ZNF521: variants seen among roughly 807,000 people sequenced by gnomAD.
ZNF521 encodes the protein LYST-interacting protein 3.
Under a neutral mutation model 105.5 loss-of-function variants are expected in ZNF521, and 14 were observed. The observed-to-expected ratio is 0.13, with a 90% confidence interval of 0.09 to 0.21. The LOEUF (loss-of-function observed/expected upper bound fraction) is 0.21. ZNF521 is among the 10% of genes least tolerant of loss of function. The probability of loss-of-function intolerance (pLI) is 1.00; values close to 1 mark genes in which losing one functional copy is unlikely to be tolerated. For missense variants in ZNF521, 1,233 were observed against 1,629.7 expected, an observed-to-expected ratio of 0.76 and a Z score of 4.19; for synonymous variants, 635 against 606.0, an observed-to-expected ratio of 1.05 and a Z score of -0.70.
At chr18:25,339,685 T>C (rs1914090681) in intron 2 of ZNF521, among the ~76,000 whole-genome samples, 1 of 152,220 alleles carries the variant, frequency 6.6e-6, no homozygotes, top group African/African-American at 2.4e-5. Context: ...TTTGTCTACA[T>C]TGTAGGTTAC....
chr18:25,179,190 AT>A (rs2035588006), intron 5 of ZNF521, among the ~76,000 whole-genome samples: 2 of 105,120 alleles, frequency 1.9e-5, no homozygotes. Flanking sequence ...ATTTCCCTCT[AT>A]CCCCCAGGCT....
At chr18:25,163,024 G>T (rs2035277061) in intron 5 of ZNF521, among the ~76,000 whole-genome samples, 1 of 151,952 alleles carries the variant, frequency 6.6e-6, no homozygotes, top group Non-Finnish European at 1.5e-5. Context: ...TCTGTATTTT[G>T]CTCTTTCATT....
At chr18:25,303,984 G>C (rs1360257783) in intron 3 of ZNF521, among the ~76,000 whole-genome samples, 1 of 152,038 alleles carries the variant, frequency 6.6e-6, no homozygotes, top group Non-Finnish European at 1.5e-5. Flanking sequence ...ACCGACAGAG[G>C]ATTAACTAAT....
intron 3 of ZNF521, among the ~76,000 whole-genome samples, chr18:25,309,544 A>T (rs1191133356): frequency 6.6e-6 from 1 of 152,234 alleles, no homozygotes; most frequent in Non-Finnish European, 1.5e-5. Context: ...AATGCAGGAT[A>T]ATATATGTAA....
intron 5 of ZNF521, among the ~76,000 whole-genome samples, chr18:25,103,449 T>C (rs1254887905): frequency 6.6e-6 from 1 of 152,166 alleles, no homozygotes; most frequent in Non-Finnish European, 1.5e-5. Flanking sequence ...TTCCCCGATA[T>C]AGTGTTAAAT....
intron 3 of ZNF521, among the ~76,000 whole-genome samples, chr18:25,246,478 T>A (rs1038420560): frequency 6.6e-6 from 1 of 152,182 alleles, no homozygotes; most frequent in East Asian, 1.9e-4. Context: ...ATTTTCCTTT[T>A]TCCCCCATCC....
At chr18:25,127,717 A>G (rs6508351) in intron 5 of ZNF521, among the ~76,000 whole-genome samples, 70,645 of 151,776 alleles carry the variant, frequency 0.47, 16,690 homozygotes, top group South Asian at 0.56. Context: ...TTTGCTTTTG[A>G]AGAGCATGCA....
At chr18:25,129,281 ATT>A (rs1567974835) in intron 5 of ZNF521, among the ~76,000 whole-genome samples, 21 of 145,168 alleles carry the variant, frequency 1.4e-4, no homozygotes, top group African/African-American at 4.7e-4. Context: ...TATTATTATT[ATT>A]AATTAATCTG....
At chr18:25,087,271 C>T (rs918401985) in intron 7 of ZNF521, among the ~76,000 whole-genome samples, 8 of 152,150 alleles carry the variant, frequency 5.3e-5, no homozygotes, top group African/African-American at 1.9e-4. Context: ...ACTATATGTT[C>T]CACATAGAAT....
rs1021549190 is a variant in ZNF521, at chr18:25,225,849, G to C, written c.2069C>G (p.Thr690Ser). The change falls in exon 4 of 8, where the codon ACT becomes AGT. Residue 690 changes from threonine to serine, a missense_variant. Physicochemically the swap from Thr to Ser is moderately conservative, Grantham distance 58. Transcript: ENST00000361524. The surrounding 1 kb of genome is among the most constrained non-coding windows in gnomAD (Gnocchi z 5.6). ...LKHVTIHFMI[T>S]STYYICESCD... ...ACTCTCACAGATGTAATACGTTGAA[G>C]TGATCATAAAGTGAATGGTAACATG... The C allele has an allele frequency of 1.2e-6, 2 of 1,614,216 alleles. No homozygotes were observed. Among genetic ancestry groups the C allele is most frequent in the African/African-American group, 1.3e-5 (1 of 75,056 alleles).
chr18:25,124,862 T>C (rs2034509880), intron 5 of ZNF521, among the ~76,000 whole-genome samples: 1 of 152,214 alleles, frequency 6.6e-6, no homozygotes. Context: ...AAGATATATG[T>C]GCAAATGTTT....
At chr18:25,191,843 G>GAAT (rs1224628518) in intron 5 of ZNF521, among the ~76,000 whole-genome samples, 1 of 151,924 alleles carries the variant, frequency 6.6e-6, no homozygotes, top group East Asian at 1.9e-4. Flanking sequence ...CCATACCAAA[G>GAAT]AATAATAATA....
intron 5 of ZNF521, among the ~76,000 whole-genome samples, chr18:25,160,516 C>T (rs1399702723): frequency 6.6e-6 from 1 of 152,222 alleles, no homozygotes; most frequent in African/African-American, 2.4e-5. Flanking sequence ...TGCACACACA[C>T]ACACACATTA....
At chr18:25,350,823 C>G in intron 2 of ZNF521, 84 bp downstream of exon 2, 4 of 1,477,872 alleles carry the variant, frequency 2.7e-6, no homozygotes, top group Non-Finnish European at 3.7e-6. Context: ...GCGCACACGC[C>G]TCGCAGCCAC....
At chr18:25,223,047 A>G (rs1905840013) in intron 4 of ZNF521, among the ~76,000 whole-genome samples, 1 of 152,198 alleles carries the variant, frequency 6.6e-6, no homozygotes, top group South Asian at 2.1e-4. Flanking sequence ...TAACTTTTCT[A>G]TAGGTTTAAA....
chr18:25,264,389 A>G (rs943636118), intron 3 of ZNF521, among the ~76,000 whole-genome samples: 5 of 152,142 alleles, frequency 3.3e-5, no homozygotes, highest in Admixed American at 2.0e-4. Context: ...TTCCTTCATC[A>G]ATTTCTTATA....
intron 7 of ZNF521, among the ~76,000 whole-genome samples, chr18:25,086,126 A>G (rs1346574789): frequency 6.6e-6 from 1 of 152,116 alleles, no homozygotes; most frequent in Non-Finnish European, 1.5e-5. Context: ...ACACCAAGGC[A>G]TGAACTACAG....
chr18:25,129,856 T>C (rs954129454), intron 5 of ZNF521, among the ~76,000 whole-genome samples: 5 of 152,192 alleles, frequency 3.3e-5, no homozygotes, highest in African/African-American at 4.8e-5. Flanking sequence ...GCAATGATGC[T>C]GAGCCACAGA....
At chr18:25,192,460 T>C (rs2035834765) in intron 5 of ZNF521, among the ~76,000 whole-genome samples, 1 of 152,042 alleles carries the variant, frequency 6.6e-6, no homozygotes, top group African/African-American at 2.4e-5. Flanking sequence ...CAGGAGCAAA[T>C]GCAAATGACT....
Sources: allele counts gnomAD v4.1 joint callset (sites outside exome capture counted in the v4.1 genomes callset), GRCh38; gene constraint gnomAD v4.1.1; non-coding constraint Gnocchi (gnomAD v3.1); transcripts MANE v1.5; gene names NCBI Gene and HGNC (gene_info 2026-07-23, HGNC 2026-07-21).